Variants in SGCZ observed in about 807,000 individuals in gnomAD.
SGCZ encodes sarcoglycan zeta, also known as zeta-sarcoglycan.
Under a neutral mutation model 41.3 loss-of-function variants are expected in SGCZ, and 40 were observed. The ratio of observed to expected loss-of-function variants is 0.97; its 90% confidence interval spans 0.75 to 1.26. SGCZ has a LOEUF of 1.26. SGCZ is among the 50% of genes most tolerant of loss of function. The pLI, the probability that SGCZ is intolerant of heterozygous loss-of-function variation, is 0.00. For missense variants in SGCZ, 552 were observed against 369.8 expected (o/e 1.49, Z -4.04); for synonymous variants, 206 against 137.5 (o/e 1.50, Z -3.49).
At chr8:15,207,180 G>A (rs1419799707) in intron 1 of SGCZ, among the ~76,000 whole-genome samples, 3 of 152,206 alleles carry the variant, frequency 2.0e-5, no homozygotes, top group East Asian at 3.9e-4. Flanking sequence ...AGAAAAAGCT[G>A]TTTTTTTCCA....
At chr8:14,485,017 C>G (rs1164080537) in intron 2 of SGCZ, among the ~76,000 whole-genome samples, 2 of 152,100 alleles carry the variant, frequency 1.3e-5, no homozygotes, top group Non-Finnish European at 2.9e-5. Context: ...TTTTGTTTCT[C>G]TTTATGGCTT....
chr8:14,240,309 C>A, intron 3 of SGCZ, among the ~76,000 whole-genome samples: 2 of 121,098 alleles, frequency 1.7e-5, no homozygotes, highest in African/African-American at 3.2e-5. Context: ...GCCTGAGTGA[C>A]AGAGCGAAAC....
At chr8:15,117,327 C>G (rs1344375260) in intron 1 of SGCZ, among the ~76,000 whole-genome samples, 1 of 152,010 alleles carries the variant, frequency 6.6e-6, no homozygotes, top group African/African-American at 2.4e-5. Flanking sequence ...CCACTGCACT[C>G]CAGCCTGGGC....
intron 1 of SGCZ, among the ~76,000 whole-genome samples, chr8:15,108,976 TG>T (rs534488278): frequency 6.6e-6 from 1 of 152,282 alleles, no homozygotes; most frequent in African/African-American, 2.4e-5. Flanking sequence ...AGAATGAAAT[TG>T]GGTTTCAATT....
intron 4 of SGCZ, among the ~76,000 whole-genome samples, chr8:14,213,720 T>C (rs754079946): frequency 5.9e-5 from 9 of 152,134 alleles, no homozygotes; most frequent in Non-Finnish European, 1.3e-4. Flanking sequence ...TTTGATATAA[T>C]GCTCCATATG....
chr8:14,693,132 A>G (rs1238017684), intron 1 of SGCZ, among the ~76,000 whole-genome samples: 1 of 152,208 alleles, frequency 6.6e-6, no homozygotes, highest in East Asian at 1.9e-4. Context: ...GATTAAGTAA[A>G]TTGTTAGATC....
intron 2 of SGCZ, among the ~76,000 whole-genome samples, chr8:14,453,816 TTC>T (rs1800666233): frequency 6.6e-6 from 1 of 152,214 alleles, no homozygotes; most frequent in Non-Finnish European, 1.5e-5. Flanking sequence ...TTTCCAAAAA[TTC>T]TGTCAGTTTT....
intron 2 of SGCZ, among the ~76,000 whole-genome samples, chr8:14,330,003 C>A (rs539395412): frequency 6.6e-6 from 1 of 152,106 alleles, no homozygotes; most frequent in Non-Finnish European, 1.5e-5. Context: ...TCTTCACTGC[C>A]ATTTCCTTTT....
chr8:14,655,239 C>T (rs1478796456), intron 1 of SGCZ, among the ~76,000 whole-genome samples: 2 of 151,896 alleles, frequency 1.3e-5, no homozygotes, highest in African/African-American at 2.4e-5. Context: ...TTTCCACTGT[C>T]GTCTTTACCA....
At chr8:15,213,101 A>G (rs1801288505) in intron 1 of SGCZ, among the ~76,000 whole-genome samples, 1 of 152,064 alleles carries the variant, frequency 6.6e-6, no homozygotes, top group African/African-American at 2.4e-5. Flanking sequence ...GAAGGTTGGA[A>G]AACAGATTCT....
At chr8:15,215,245 T>C (rs571227350) in intron 1 of SGCZ, among the ~76,000 whole-genome samples, 57 of 152,120 alleles carry the variant, frequency 3.7e-4, no homozygotes, top group African/African-American at 1.3e-3. Context: ...TTAATATGAA[T>C]ATTTCACTTT....
intron 2 of SGCZ, among the ~76,000 whole-genome samples, chr8:14,419,869 C>G (rs1799592297): frequency 6.6e-6 from 1 of 151,962 alleles, no homozygotes; most frequent in African/African-American, 2.4e-5. Flanking sequence ...AATCTTTATG[C>G]CGAAATTATT....
intron 2 of SGCZ, among the ~76,000 whole-genome samples, chr8:14,388,931 TTTAAAA>T (rs1804667012): frequency 6.6e-6 from 1 of 151,976 alleles, no homozygotes; most frequent in Non-Finnish European, 1.5e-5. Context: ...AATAAAATAC[TTTAAAA>T]TTATCTGAAT....
intron 1 of SGCZ, among the ~76,000 whole-genome samples, chr8:15,086,396 T>C (rs1457078391): frequency 1.3e-5 from 2 of 152,192 alleles, no homozygotes; most frequent in African/African-American, 4.8e-5. Flanking sequence ...CATCTAAACA[T>C]GGAAAGTATG....
chr8:15,042,448 C>A (rs1804139247), intron 1 of SGCZ, among the ~76,000 whole-genome samples: 2 of 152,188 alleles, frequency 1.3e-5, no homozygotes, highest in Admixed American at 6.5e-5. Flanking sequence ...GGGCACTAGA[C>A]CCCACTGTGC....
rs146605180 is a variant in SGCZ, at chr8:14,864,018, C to T, written c.40-309092G>A. On this transcript the variant is annotated intron_variant, in intron 1 of 7. Coordinates refer to ENST00000382080, the MANE Select transcript of SGCZ (RefSeq NM_139167.4). The stretch of plus-strand genomic sequence containing the variant: ...AGCCTCTGACAAGTTTAAAACAGAA[C>T]GCGACCTTCTCTTTGACCTCACCAA... Among the ~76,000 whole-genome samples, 583 of 152,216 alleles carry T rather than the reference C, an allele frequency of 3.8e-3. 3 individuals carry two copies. The highest frequency in any genetic ancestry group is 0.014 in the Middle Eastern group (4 of 294).
intron 1 of SGCZ, among the ~76,000 whole-genome samples, chr8:14,871,162 A>G (rs1373957723): frequency 1.3e-5 from 2 of 152,048 alleles, no homozygotes; most frequent in Admixed American, 1.3e-4. Context: ...AGCCAAGATC[A>G]CATCATTGCA....
At chr8:14,899,694 G>A (rs577288624) in intron 1 of SGCZ, among the ~76,000 whole-genome samples, 3 of 152,204 alleles carry the variant, frequency 2.0e-5, no homozygotes, top group East Asian at 1.9e-4. Context: ...TTTTGACCTC[G>A]GGAGGTTAAA....
intron 2 of SGCZ, among the ~76,000 whole-genome samples, chr8:14,513,519 AAT>A (rs1802524865): frequency 7.0e-6 from 1 of 143,828 alleles, no homozygotes; most frequent in African/African-American, 2.6e-5. Flanking sequence ...TTTCTAAACT[AAT>A]TAATAATATA....
Sources: allele counts gnomAD v4.1 joint callset (sites outside exome capture counted in the v4.1 genomes callset), GRCh38; gene constraint gnomAD v4.1.1; transcripts MANE v1.5; gene names NCBI Gene and HGNC (gene_info 2026-07-23, HGNC 2026-07-21).